Variants in MAP3K4 observed in about 807,000 individuals in gnomAD.
MAP3K4 encodes MAP three kinase 1.
MAP3K4 carries 67 observed loss-of-function variants against 185.6 expected under a neutral mutation model. The ratio of observed to expected loss-of-function variants is 0.36; its 90% CI spans 0.30 to 0.44. The LOEUF (loss-of-function observed/expected upper bound fraction) is 0.44. Among genes scored for constraint, MAP3K4 ranks in the 20% least tolerant of loss-of-function variants. The pLI, the probability that MAP3K4 is intolerant of heterozygous loss-of-function variation, is 1.00. For missense variants in MAP3K4, 1,551 were observed against 1,995.1 expected, an observed-to-expected ratio of 0.78 and a Z score of 4.24; for synonymous variants, 702 against 710.4, an observed-to-expected ratio of 0.99 and a Z score of 0.19.
In MAP3K4 at chr6:161,110,573, C is replaced by T. The variant is rs1026903355; in HGVS notation, c.4396+659C>T. ...GGGAAGTATTTTTGTGCCTATTTGG[C>T]CCTAGGCTGAAGAGTTTCATTCTGT... On this transcript the variant is annotated intron_variant, in intron 23 of 26. Coordinates refer to ENST00000392142, the MANE Select transcript of MAP3K4 (RefSeq NM_005922.4). This position sits in a 1 kb window ranked among gnomAD's most constrained non-coding sequence, Gnocchi z 4.8. Among the ~76,000 whole-genome samples the T allele has an allele frequency of 1.3e-5, 2 of 152,178 alleles. No homozygotes were observed. Among genetic ancestry groups the T allele is most frequent in the African/African-American group, 4.8e-5 (2 of 41,448 alleles).
At chr6:161,021,432 T>C (rs770222764) in intron 1 of MAP3K4, among the ~76,000 whole-genome samples, 2 of 152,250 alleles carry the variant, frequency 1.3e-5, no homozygotes, top group Admixed American at 6.5e-5. Flanking sequence ...TCAGATCCTC[T>C]GCACATGCTG....
rs950590845 is a variant in MAP3K4 at position 161,071,021 on chromosome 6, T to C, written c.1950+171T>C. Among the ~76,000 whole-genome samples, 2 of 152,222 alleles carry C rather than the reference T, an allele frequency of 1.3e-5. No homozygotes were observed. Among genetic ancestry groups the C allele is most frequent in the Admixed American group, 1.3e-4 (2 of 15,290 alleles). ...TTTTAGGGTAATTAAAAATGTTCTT[T>C]ATATGCGGTCCTCAAAGGTAAGATT... On this transcript the variant is annotated intron_variant, in intron 4 of 26. Coordinates refer to ENST00000392142, the MANE Select transcript of MAP3K4 (RefSeq NM_005922.4). This position sits in a 1 kb window ranked among gnomAD's most constrained non-coding sequence, Gnocchi z 4.6.
chr6:161,102,122 T>G, intron 18 of MAP3K4, 130 bp downstream of exon 18: 1 of 687,212 alleles, frequency 1.5e-6, no homozygotes, highest in Non-Finnish European at 2.4e-6. Context: ...TCTAAAGGAA[T>G]GAAGAGTAAG....
intron 1 of MAP3K4, among the ~76,000 whole-genome samples, chr6:161,026,228 T>TTA (rs1782645049): frequency 6.6e-6 from 1 of 152,072 alleles, no homozygotes; most frequent in Non-Finnish European, 1.5e-5. Flanking sequence ...CCTCCTGGGT[T>TTA]CATGCCATTC....
At chr6:161,094,065 A>G (rs536674107) in intron 15 of MAP3K4, among the ~76,000 whole-genome samples, 16 of 152,352 alleles carry the variant, frequency 1.1e-4, no homozygotes, top group Non-Finnish European at 1.9e-4. Context: ...GCCATACGCT[A>G]TTCCATACCA....
At position 161,108,617 on chromosome 6, in the gene MAP3K4, G is replaced by C; in HGVS notation, c.4120-126G>C. On this transcript the variant is annotated intron_variant, in intron 21 of 26. Transcript: ENST00000392142. This position sits in a 1 kb window ranked among gnomAD's most constrained non-coding sequence, Gnocchi z 5.7. ...AAACTTCCTTTTTACTTAATTTTTT[G>C]TTGTTTTTAATTGACAAATCATGAT... 1.5e-6 allele frequency: 1 copy of C among 666,154 alleles called. No individual in the cohort carries two copies. Among genetic ancestry groups the C allele is most frequent in the Non-Finnish European group, 2.7e-6 (1 of 376,948 alleles). 41.3% of individuals were successfully genotyped at this position (666,154 alleles called of 1,614,324 possible).
rs942967693 is a variant in MAP3K4 at position 161,116,438 on chromosome 6, G to C, written c.4807-412G>C. Among the ~76,000 whole-genome samples, 1 of 152,066 alleles carries C rather than the reference G, an allele frequency of 6.6e-6. No individual in the cohort carries two copies. The highest frequency in any genetic ancestry group is 1.5e-5 in the Non-Finnish European group (1 of 68,024). On this transcript the variant is annotated intron_variant, in intron 26 of 26. Coordinates refer to ENST00000392142, the MANE Select transcript of MAP3K4 (RefSeq NM_005922.4). This position sits in a 1 kb window ranked among gnomAD's most constrained non-coding sequence, Gnocchi z 6.2. The stretch of plus-strand genomic sequence containing the variant: ...AGAGCCTTGCAAGGGCCCTGCAGGA[G>C]AGAGTCCCTGGGAAAGGAAAGGAAG...
rs2114913534 is a variant in MAP3K4, at chr6:161,108,632, C to A, written c.4120-111C>A. On this transcript the variant is annotated intron_variant, in intron 21 of 26. Coordinates refer to ENST00000392142, the MANE Select transcript of MAP3K4 (RefSeq NM_005922.4). This position sits in a 1 kb window ranked among gnomAD's most constrained non-coding sequence, Gnocchi z 5.7. ...TTAATTTTTTGTTGTTTTTAATTGA[C>A]AAATCATGATTACATATATTTATGG... 1 of 706,574 alleles carries A rather than the reference C, an allele frequency of 1.4e-6. No individual in the cohort carries two copies. The highest frequency in any genetic ancestry group is 2.9e-4 in the Middle Eastern group (1 of 3,456). The allele number at this position is 706,574 out of a possible 1,614,324, so 43.8% of individuals were successfully genotyped here.
rs756019692 is a variant in MAP3K4, at chr6:161,054,093, T to C, written c.1707+4114T>C. ...ATATATTTTTTGATTACGTTACTTA[T>C]AACCAGTGTTTGCAAAGCACATGTG... is the stretch of plus-strand genomic sequence containing the variant. On this transcript the variant is annotated intron_variant, in intron 3 of 26. Transcript: ENST00000392142. This position sits in a 1 kb window ranked among gnomAD's most constrained non-coding sequence, Gnocchi z 4.2. Among the ~76,000 whole-genome samples the C allele has an allele frequency of 2.9e-4, 44 of 152,244 alleles. No homozygotes were observed. Among genetic ancestry groups the C allele is most frequent in the Non-Finnish European group, 5.0e-4 (34 of 68,034 alleles).
rs2114911083 is a variant in MAP3K4, at chr6:161,107,666, G to C, written c.4049-233G>C. Reference sequence around the variant, plus strand: ...CCTGGAATTTACCAAAGTCGGTTCTGCTCTATTTAAAGATACTTGTAGGTA... The same window carrying C: ...CCTGGAATTTACCAAAGTCGGTTCTCCTCTATTTAAAGATACTTGTAGGTA... On this transcript the variant is annotated intron_variant, in intron 20 of 26. Coordinates refer to ENST00000392142, the MANE Select transcript of MAP3K4 (RefSeq NM_005922.4). This position sits in a 1 kb window ranked among gnomAD's most constrained non-coding sequence, Gnocchi z 6.2. 6.6e-6 allele frequency among the ~76,000 whole-genome samples: 1 copy of C among 152,272 alleles called. No homozygotes were observed. Among genetic ancestry groups the C allele is most frequent in the African/African-American group, 2.4e-5 (1 of 41,548 alleles).
chr6:161,012,279 G>C (rs1372283696), intron 1 of MAP3K4, among the ~76,000 whole-genome samples: 1 of 152,064 alleles, frequency 6.6e-6, no homozygotes, highest in African/African-American at 2.4e-5. Flanking sequence ...CCTTTGTATG[G>C]GTCGGTTCCT....
intron 2 of MAP3K4, among the ~76,000 whole-genome samples, chr6:161,036,031 C>T (rs75731151): frequency 9.9e-4 from 150 of 152,246 alleles, no homozygotes; most frequent in Admixed American, 3.1e-3. Context: ...ACAGTGTTTA[C>T]GCTTATCCGA....
At chr6:161,032,180 CAG>C (rs1459816950) in intron 1 of MAP3K4, among the ~76,000 whole-genome samples, 3 of 152,098 alleles carry the variant, frequency 2.0e-5, no homozygotes, top group Admixed American at 2.0e-4. Context: ...TAAATGAAAA[CAG>C]AAACCTTATA....
intron 1 of MAP3K4, among the ~76,000 whole-genome samples, chr6:160,993,852 G>C (rs572835290): frequency 2.6e-5 from 1 of 38,420 alleles, no homozygotes; most frequent in Non-Finnish European, 7.4e-5. Context: ...GGAACAAGAA[G>C]ATCTCAATAT....
chr6:161,106,750 A>C lies in MAP3K4; in HGVS notation c.4048+45A>C. On this transcript the variant is annotated intron_variant, in intron 20 of 26. Transcript: ENST00000392142. This position sits in a 1 kb window ranked among gnomAD's most constrained non-coding sequence, Gnocchi z 4.9. The stretch of plus-strand genomic sequence containing the variant: ...TGATGTCAAGATAGTCCCTGTTAGA[A>C]GTAGCAATAGTTATACTTCTTTAGG... 6.8e-7 allele frequency: 1 copy of C among 1,478,696 alleles called. No homozygotes were observed. Among genetic ancestry groups the C allele is most frequent in the South Asian group, 1.3e-5 (1 of 78,838 alleles). The allele number at this position is 1,478,696 out of a possible 1,614,324, so 91.6% of individuals were successfully genotyped here.
rs1233401754 is a variant in MAP3K4 at position 161,061,981 on chromosome 6, G to A, written c.1708-8627G>A. On this transcript the variant is annotated intron_variant, in intron 3 of 26. Coordinates refer to ENST00000392142, the MANE Select transcript of MAP3K4 (RefSeq NM_005922.4). The surrounding 1 kb of genome is among the most constrained non-coding windows in gnomAD (Gnocchi z 4.2). Reference sequence around the variant, plus strand: ...TCAAAGAAGTTTAGCTTCTCTGACAGGGATAGTTAATCTTTTAAAACATTT... The same window carrying A: ...TCAAAGAAGTTTAGCTTCTCTGACAAGGATAGTTAATCTTTTAAAACATTT... 6.6e-6 allele frequency among the ~76,000 whole-genome samples: 1 copy of A among 152,096 alleles called. No individual in the cohort carries two copies. The highest frequency in any genetic ancestry group is 1.5e-5 in the Non-Finnish European group (1 of 68,026).
rs662541 is a variant in MAP3K4, at chr6:160,992,179, G to C, written c.152+96G>C. 12 of 1,389,828 alleles carry C rather than the reference G, an allele frequency of 8.6e-6. No homozygotes were observed. The South Asian group carries it at 1.3e-4, about 15-fold the overall frequency. 86.1% of individuals were successfully genotyped at this position (1,389,828 alleles called of 1,614,324 possible). ...CGAGGGCCTCTGCTTCCCGCCAGGT[G>C]GGGAGGGAAGCATCCAGTCTCTGCA... On this transcript the variant is annotated intron_variant, in intron 1 of 26. Coordinates refer to ENST00000392142, the MANE Select transcript of MAP3K4 (RefSeq NM_005922.4).
intron 3 of MAP3K4, among the ~76,000 whole-genome samples, chr6:161,052,733 G>T (rs775286286): frequency 6.6e-5 from 10 of 152,116 alleles, no homozygotes; most frequent in Non-Finnish European, 1.5e-4. Flanking sequence ...AGGCGTGTGT[G>T]TGTGCGTGCT....
chr6:161,049,674 G>C lies in MAP3K4; in HGVS notation c.1402G>C (p.Asp468His). 1 of 1,614,110 alleles carries C rather than the reference G, an allele frequency of 6.2e-7. No homozygotes were observed. The change falls in exon 3 of 27, where the codon GAT becomes CAT. Residue 468 changes from aspartate (D) to histidine (H), a missense_variant. Around this residue, in one of 16 missense-constraint regions of MAP3K4, gnomAD observed 126 missense variants for 112.8 expected, o/e 1.12. Transcript: ENST00000392142. The surrounding 1 kb of genome is among the most constrained non-coding windows in gnomAD (Gnocchi z 8.4). ...TGAGAGTGAAGAAGAACAAATCTCT[G>C]ATCCTAGGGTACCGGAAATCAGACA... ...TDESEEEQIS[D>H]PRVPEIRQPI...
Sources: allele counts gnomAD v4.1 joint callset (sites outside exome capture counted in the v4.1 genomes callset), GRCh38; gene constraint gnomAD v4.1.1; regional missense constraint gnomAD v4.1.1; non-coding constraint Gnocchi (gnomAD v3.1); transcripts MANE v1.5; gene names NCBI Gene and HGNC (gene_info 2026-07-23, HGNC 2026-07-21).